Variants in STK3 observed in about 807,000 individuals in gnomAD.
STK3 encodes serine/threonine kinase 3.
In STK3, 41 loss-of-function variants were observed where a neutral mutation model predicts 58.0. The ratio of observed to expected loss-of-function variants is 0.71; its 90% CI spans 0.55 to 0.92. The LOEUF is 0.92. Among genes scored for constraint, STK3 ranks in the 40% least tolerant of loss-of-function variants. The pLI is 0.00. For synonymous variants in STK3, 170 were observed against 191.0 expected, an observed-to-expected ratio of 0.89 and a Z score of 0.91; for missense variants, 479 against 602.7, an observed-to-expected ratio of 0.79 and a Z score of 2.15.
intron 8 of STK3, among the ~76,000 whole-genome samples, chr8:98,562,763 A>AAAAAAAAG (rs1812159293): frequency 6.8e-6 from 1 of 147,110 alleles, no homozygotes; most frequent in Non-Finnish European, 1.5e-5. Flanking sequence ...AAAAAAAAAA[A>AAAAAAAAG]AAGTCAGGCC....
At chr8:98,512,693 G>T (rs1586747240) in intron 10 of STK3, among the ~76,000 whole-genome samples, 2 of 152,216 alleles carry the variant, frequency 1.3e-5, no homozygotes, top group East Asian at 3.9e-4. Flanking sequence ...TGTACCCAGG[G>T]CCACTGGAAA....
chr8:98,696,203 T>C (rs1036321041), intron 6 of STK3, among the ~76,000 whole-genome samples: 1 of 152,240 alleles, frequency 6.6e-6, no homozygotes, highest in Non-Finnish European at 1.5e-5. Flanking sequence ...TGCACATTGA[T>C]TTTGTATCCT....
At chr8:98,615,210 T>A (rs1817592653) in intron 6 of STK3, among the ~76,000 whole-genome samples, 1 of 151,228 alleles carries the variant, frequency 6.6e-6, no homozygotes, top group African/African-American at 2.4e-5. Flanking sequence ...CACTGACACC[T>A]CACACGGCAG....
Position 98,478,908 on chromosome 8 carries a change from G to A in STK3, c.1318-22908C>T, listed in dbSNP as rs767149230. On this transcript the variant is annotated intron_variant, in intron 10 of 10. Transcript: ENST00000419617. ...TACACTATATTTACGAGCTTCTGTC[G>A]TTATCTTGTTCTGCGATTTTCCTCT... Among the ~76,000 whole-genome samples, 7 of 152,110 alleles carry A rather than the reference G, an allele frequency of 4.6e-5. No homozygotes were observed. The East Asian group carries it at 5.8e-4, about 13-fold the overall frequency.
intron 1 of STK3, chr8:98,904,686 C>T (rs1838818377): frequency 1.4e-6 from 1 of 716,920 alleles, no homozygotes; most frequent in Admixed American, 1.8e-5. Context: ...GCTGCTGAAG[C>T]CTGAAATAAC....
intron 6 of STK3, among the ~76,000 whole-genome samples, chr8:98,674,527 CA>C (rs1270290196): frequency 6.6e-6 from 1 of 151,436 alleles, no homozygotes; most frequent in Non-Finnish European, 1.5e-5. Flanking sequence ...ATTTTTGAGG[CA>C]AAAAAAGGTC....
chr8:98,517,953 A>G (rs1389994749), intron 10 of STK3, among the ~76,000 whole-genome samples: 1 of 152,094 alleles, frequency 6.6e-6, no homozygotes, highest in Non-Finnish European at 1.5e-5. Context: ...TTAGACATCA[A>G]CATTAGCCAC....
chr8:98,861,547 A>G (rs1587765154), intron 3 of STK3, among the ~76,000 whole-genome samples: 2 of 151,732 alleles, frequency 1.3e-5, no homozygotes, highest in East Asian at 3.9e-4. Flanking sequence ...GGGGTTTCAC[A>G]GTGTTGCCCA....
chr8:98,688,140 C>G, intron 6 of STK3, among the ~76,000 whole-genome samples: 1 of 148,304 alleles, frequency 6.7e-6, no homozygotes, highest in Non-Finnish European at 1.5e-5. Context: ...ATAAAATAGA[C>G]TTTAAACAAA....
At chr8:98,538,201 C>T (rs1809943442) in intron 9 of STK3, among the ~76,000 whole-genome samples, 1 of 152,094 alleles carries the variant, frequency 6.6e-6, no homozygotes, top group South Asian at 2.1e-4. Flanking sequence ...TGGGTGGTTC[C>T]ACCTCATTAA....
chr8:98,881,927 T>C (rs963403667), downstream of STK3: 34 of 152,208 alleles, frequency 2.2e-4, no homozygotes, highest in African/African-American at 8.2e-4. Flanking sequence ...GTTGAGGCCA[T>C]GGTGAGCTAG....
At chr8:98,864,952 G>T (rs770613143) in intron 3 of STK3, among the ~76,000 whole-genome samples, 2 of 152,066 alleles carry the variant, frequency 1.3e-5, no homozygotes, top group African/African-American at 4.8e-5. Context: ...TTCTCTTTAG[G>T]ACATGGGCCA....
intron 6 of STK3, among the ~76,000 whole-genome samples, chr8:98,617,300 C>A (rs1330849784): frequency 2.1e-5 from 3 of 141,408 alleles, no homozygotes; most frequent in Non-Finnish European, 4.6e-5. Flanking sequence ...ATCTCTGGGA[C>A]GCATTCAAAG....
intron 2 of STK3, among the ~76,000 whole-genome samples, chr8:98,375,575 T>C: frequency 6.6e-6 from 1 of 152,196 alleles, no homozygotes. Flanking sequence ...CCCCAGGCCT[T>C]AATCCCTGGA....
At chr8:98,686,595 G>C (rs995109994) in intron 6 of STK3, among the ~76,000 whole-genome samples, 2 of 152,092 alleles carry the variant, frequency 1.3e-5, no homozygotes, top group Non-Finnish European at 2.9e-5. Context: ...AGAATGAAAT[G>C]TATGAAATAA....
At chr8:98,509,344 C>A (rs960384249) in intron 10 of STK3, among the ~76,000 whole-genome samples, 1 of 151,996 alleles carries the variant, frequency 6.6e-6, no homozygotes, top group Admixed American at 6.5e-5. Context: ...ATAGATGTGT[C>A]TATGTAAAAT....
chr8:98,474,554 T>C (rs1393937606), intron 10 of STK3, among the ~76,000 whole-genome samples: 1 of 152,174 alleles, frequency 6.6e-6, no homozygotes, highest in Non-Finnish European at 1.5e-5. Flanking sequence ...GATTAAATGA[T>C]TACATGCCTT....
intron 2 of STK3, among the ~76,000 whole-genome samples, chr8:98,434,600 T>A (rs780590263): frequency 5.3e-5 from 8 of 152,160 alleles, no homozygotes; most frequent in Middle Eastern, 3.4e-3. Flanking sequence ...CTGGGTAAAT[T>A]CTCCCAAGCA....
intron 10 of STK3, among the ~76,000 whole-genome samples, chr8:98,479,181 A>G (rs1224665946): frequency 6.6e-6 from 1 of 152,022 alleles, no homozygotes; most frequent in Non-Finnish European, 1.5e-5. Flanking sequence ...AGGAAACTTG[A>G]CAGGCAGTTA....
Sources: allele counts gnomAD v4.1 joint callset (sites outside exome capture counted in the v4.1 genomes callset), GRCh38; gene constraint gnomAD v4.1.1; transcripts MANE v1.5; gene names NCBI Gene and HGNC (gene_info 2026-07-23, HGNC 2026-07-21).